Variants in UBASH3A observed in about 807,000 individuals in gnomAD.
The protein encoded by UBASH3A is ubiquitin-associated and SH3 domain-containing protein A.
Under a neutral mutation model 73.5 loss-of-function variants are expected in UBASH3A, and 63 were observed. That is an observed-to-expected ratio of 0.86 (90% CI 0.70 to 1.06). The LOEUF (loss-of-function observed/expected upper bound fraction) is 1.06. Among genes scored for constraint, UBASH3A ranks in the 50% least tolerant of loss-of-function variants. The pLI is 0.00. For synonymous variants in UBASH3A, 363 were observed against 351.1 expected, an observed-to-expected ratio of 1.03 and a Z score of -0.38; for missense variants, 860 against 859.0, an observed-to-expected ratio of 1.00 and a Z score of -0.02.
chr21:42,425,275 C>G (rs1308998214), intron 7 of UBASH3A, among the ~76,000 whole-genome samples: 1 of 152,240 alleles, frequency 6.6e-6, no homozygotes, highest in Non-Finnish European at 1.5e-5. Context: ...ATGTTCACAG[C>G]ATAATCTTGA....
In UBASH3A at chr21:42,416,530, G is replaced by A; in HGVS notation, c.756G>A (p.Leu252=). The change falls in exon 6 of 15, where the codon CTG becomes CTA. Residue 252 remains leucine (L), a synonymous_variant. Transcript: ENST00000319294. ...ACCACCAGAGGACGCTGGAGCAGCT[G>A]GCCAGAGCCATCCCCCTGGGCCACA... is the stretch of plus-strand genomic sequence containing the variant. ...YPHHQRTLEQ[L]ARAIPLGHSC... is the part of the protein sequence containing the mutation. 4 of 1,611,474 alleles carry A rather than the reference G, an allele frequency of 2.5e-6. No homozygotes were observed. The highest frequency in any genetic ancestry group is 3.4e-6 in the Non-Finnish European group (4 of 1,178,988).
rs145426736 is a variant in UBASH3A at position 42,420,032 on chromosome 21, C to G, written c.1046+1423C>G. 2.0e-5 allele frequency among the ~76,000 whole-genome samples: 3 copies of G among 152,250 alleles called. No individual in the cohort carries two copies. The East Asian group carries it at 5.8e-4, about 29-fold the overall frequency. On this transcript the variant is annotated intron_variant, in intron 7 of 14. Coordinates refer to ENST00000319294, the MANE Select transcript of UBASH3A (RefSeq NM_018961.4). ...CCCATCTGAAGTTGAAGAACATCCA[C>G]TGTTTGTTAGAGTAGCACCCCATTC...
At chr21:42,439,736 C>T (rs1417870418) in intron 11 of UBASH3A, among the ~76,000 whole-genome samples, 1 of 145,118 alleles carries the variant, frequency 6.9e-6, no homozygotes, top group Admixed American at 6.9e-5. Context: ...ACACCACACA[C>T]ACCCACACAC....
At position 42,444,773 on chromosome 21, in the gene UBASH3A, C is replaced by T. The variant is rs115909826; in HGVS notation, c.1848+130C>T. 8.6e-4 allele frequency: 638 copies of T among 745,310 alleles called. 2 individuals carry two copies. In the African/African-American group the frequency reaches 9.6e-3, roughly 11 times the overall value. The allele number at this position is 745,310 out of a possible 1,614,324, so 46.2% of individuals were successfully genotyped here. A position where few individuals can be genotyped will look rare whatever the true frequency, so the allele number is the denominator to read the frequency against. ...AGGGCCACCAGGATCCACGTGCCCC[C>T]GGAGACTGTGCCCACCGGCTCTTAT... is the stretch of plus-strand genomic sequence containing the variant. On this transcript the variant is annotated intron_variant, in intron 14 of 14. Transcript: ENST00000319294.
rs377491311 is a variant in UBASH3A at position 42,412,891 on chromosome 21, C to T, written c.355-133C>T. 1.3e-4 allele frequency: 105 copies of T among 796,016 alleles called. No individual in the cohort carries two copies. In the East Asian group the frequency reaches 1.9e-3, roughly 14 times the overall value. The allele number at this position is 796,016 out of a possible 1,614,324, so 49.3% of individuals were successfully genotyped here. Reference sequence around the variant, plus strand: ...CCATAACCCCAGACACAAAGGGACGCAATAAATTATGTTACAGCGCTTTGA... The same window carrying T: ...CCATAACCCCAGACACAAAGGGACGTAATAAATTATGTTACAGCGCTTTGA... On this transcript the variant is annotated intron_variant, in intron 3 of 14. Coordinates refer to ENST00000319294, the MANE Select transcript of UBASH3A (RefSeq NM_018961.4).
chr21:42,432,213 C>A lies in UBASH3A; in HGVS notation c.1270+11C>A. 1 of 1,583,866 alleles carries A rather than the reference C, an allele frequency of 6.3e-7. No individual in the cohort carries two copies. The highest frequency in any genetic ancestry group is 8.7e-7 in the Non-Finnish European group (1 of 1,153,532). On this transcript the variant is annotated intron_variant, in intron 9 of 14. Coordinates refer to ENST00000319294, the MANE Select transcript of UBASH3A (RefSeq NM_018961.4). ...GCTCCACTCCTGATGGTAGGTCACACTCAGGCGGGTCTACGGACAGAAACA... is the reference window on the plus strand; with the variant it reads ...GCTCCACTCCTGATGGTAGGTCACAATCAGGCGGGTCTACGGACAGAAACA...
intron 8 of UBASH3A, among the ~76,000 whole-genome samples, chr21:42,430,771 T>C (rs1183396631): frequency 1.3e-5 from 2 of 152,212 alleles, no homozygotes; most frequent in Admixed American, 1.3e-4. Flanking sequence ...TGCAGCTTCA[T>C]GGACCAGCAT....
chr21:42,447,477 A>G lies in UBASH3A; in HGVS notation c.*283A>G, dbSNP rs1211798359. 1 of 320,766 alleles carries G rather than the reference A, an allele frequency of 3.1e-6. No homozygotes were observed. The allele number at this position is 320,766 out of a possible 1,614,324, so 19.9% of individuals were successfully genotyped here. A position where few individuals can be genotyped will look rare whatever the true frequency, so the allele number is the denominator to read the frequency against. ...GTACACCGAGTGTCTGCAGCTGGGG[A>G]CACAACTGCCCGGGACTCTAACTTC... On this transcript the variant is annotated 3_prime_UTR_variant, in exon 15 of 15. Transcript: ENST00000319294.
At chr21:42,404,506 GGACCCT>G (rs1568903162) in intron 1 of UBASH3A, among the ~76,000 whole-genome samples, 1 of 152,170 alleles carries the variant, frequency 6.6e-6, no homozygotes, top group Non-Finnish European at 1.5e-5. Flanking sequence ...GCTGACTGGG[GGACCCT>G]GAAATTTGTG....
chr21:42,436,862 C>A (rs774651143), intron 10 of UBASH3A, among the ~76,000 whole-genome samples: 5 of 152,234 alleles, frequency 3.3e-5, no homozygotes, highest in Admixed American at 1.3e-4. Context: ...TGTGAAGCCC[C>A]GCCCATTTCT....
rs780966339 is a variant in UBASH3A at position 42,432,199 on chromosome 21, G to A, written c.1267G>A (p.Asp423Asn). 3.7e-6 allele frequency: 6 copies of A among 1,609,710 alleles called. No individual in the cohort carries two copies. Among genetic ancestry groups the A allele is most frequent in the South Asian group, 1.1e-5 (1 of 90,794 alleles). ...ATGGCTGCAGCAATGCTCCACTCCT[G>A]ATGGTAGGTCACACTCAGGCGGGTC... ...KAWLQQCSTP[D>N]GKYYRPDLNF... The change falls in exon 9 of 15, where the codon GAT becomes AAT. Residue 423 changes from aspartate to asparagine, a missense_variant. Coordinates refer to ENST00000319294, the MANE Select transcript of UBASH3A (RefSeq NM_018961.4).
intron 8 of UBASH3A, among the ~76,000 whole-genome samples, chr21:42,427,433 C>T (rs2053457333): frequency 6.6e-6 from 1 of 152,186 alleles, no homozygotes; most frequent in African/African-American, 2.4e-5. Context: ...GTCTGGTTGC[C>T]ACAGTAGTGA....
In UBASH3A at chr21:42,403,986, A is replaced by G. The variant is rs1319866919; in HGVS notation, c.41A>G (p.Asn14Ser). Residue 14 changes from asparagine (N) to serine (S), a missense_variant, in exon 1 of 15, where the codon AAC (asparagine) becomes AGC (serine). Transcript: ENST00000319294. ...GETQLYAKVS[N>S]KLKSRSSPSL... ...ACGCAGCTCTACGCCAAGGTCTCCA[A>G]CAAGCTCAAGAGCCGCAGCAGCCCC... The G allele has an allele frequency of 6.5e-7, 1 of 1,527,318 alleles. No homozygotes were observed. The highest frequency in any genetic ancestry group is 1.2e-5 in the South Asian group (1 of 81,040). 94.6% of individuals were successfully genotyped at this position (1,527,318 alleles called of 1,614,324 possible).
chr21:42,441,831 ATCT>A (rs2053751780), intron 11 of UBASH3A, among the ~76,000 whole-genome samples: 1 of 152,236 alleles, frequency 6.6e-6, no homozygotes, highest in African/African-American at 2.4e-5. Flanking sequence ...GTTCAATGAC[ATCT>A]TCTCCATTCC....
Position 42,404,023 on chromosome 21 carries a change from G to T in UBASH3A, c.78G>T (p.Glu26Asp), listed in dbSNP as rs1258588230. The change falls in exon 1 of 15, where the codon GAG becomes GAT. Residue 26 changes from glutamate to aspartate, a missense_variant. Glu to Asp is a conservative substitution (Grantham distance 45). Coordinates refer to ENST00000319294, the MANE Select transcript of UBASH3A (RefSeq NM_018961.4). ...GCCGCAGCAGCCCCTCGCTCCTGGA[G>T]CCCCTCCTGGCCATGGGCTTCCCGG... The part of the protein sequence containing the change: ...LKSRSSPSLL[E>D]PLLAMGFPVH... 1 of 1,525,704 alleles carries T rather than the reference G, an allele frequency of 6.6e-7. No homozygotes were observed. The highest frequency in any genetic ancestry group is 1.2e-5 in the South Asian group (1 of 81,006). The allele number at this position is 1,525,704 out of a possible 1,614,324, so 94.5% of individuals were successfully genotyped here. A position where few individuals can be genotyped will look rare whatever the true frequency, so the allele number is the denominator to read the frequency against.
intron 8 of UBASH3A, among the ~76,000 whole-genome samples, chr21:42,429,538 G>A (rs2053494379): frequency 6.6e-6 from 1 of 152,180 alleles, no homozygotes; most frequent in Admixed American, 6.5e-5. Context: ...GAAAACTTCA[G>A]GGACTTTGTT....
chr21:42,443,633 A>AC (rs1411134721), intron 13 of UBASH3A, among the ~76,000 whole-genome samples: 3 of 148,826 alleles, frequency 2.0e-5, no homozygotes, highest in African/African-American at 7.5e-5. Context: ...AGGCCCTGGG[A>AC]CCCCCCATCC....
Position 42,413,069 on chromosome 21 carries a change from GCTGGAGACAGGCTCCTGGGCTCCTTC to G in UBASH3A, c.402_427del (p.Gly135HisfsTer60), listed in dbSNP as rs1378632760. On this transcript the variant is annotated frameshift_variant, in exon 4 of 15. Transcript: ENST00000319294. LOFTEE classifies it high-confidence loss of function. This position sits in a 1 kb window ranked among gnomAD's most constrained non-coding sequence, Gnocchi z 4.5. ...ATGCCTGTACGAGGCGCTGAAGAGA[GCTGGAGACAGGCTCCTGGGCTCCTTC>G]CCCACGGCCGTGCCTCTGGCTCTCC... 8 of 1,614,240 alleles carry G rather than the reference GCTGGAGACAGGCTCCTGGGCTCCTTC, an allele frequency of 5.0e-6. No individual in the cohort carries two copies. Among genetic ancestry groups the G allele is most frequent in the Non-Finnish European group, 5.9e-6 (7 of 1,180,040 alleles).
chr21:42,423,986 A>T (rs1194956274), intron 7 of UBASH3A, among the ~76,000 whole-genome samples: 1 of 152,110 alleles, frequency 6.6e-6, no homozygotes, highest in Non-Finnish European at 1.5e-5. Context: ...AAACTGCTGA[A>T]AATCCTTATT....
Sources: gnomAD v4.1 joint callset for allele counts (sites outside exome capture counted in the v4.1 genomes callset) on GRCh38, gnomAD v4.1.1 for gene constraint, Gnocchi (gnomAD v3.1) non-coding constraint, MANE v1.5 for transcripts, NCBI Gene and HGNC (gene_info 2026-07-23, HGNC 2026-07-21) for gene names.